MYO18B: variants seen among roughly 807,000 people sequenced by gnomAD.
The protein encoded by MYO18B is unconventional myosin-XVIIIb.
Under a neutral mutation model 273.0 loss-of-function variants are expected in MYO18B, and 204 were observed. The observed-to-expected ratio is 0.75, with a 90% CI of 0.67 to 0.84. The LOEUF (loss-of-function observed/expected upper bound fraction) is 0.84. Among genes scored for constraint, MYO18B ranks in the 40% least tolerant of loss-of-function variants. The pLI, the probability that MYO18B is intolerant of heterozygous loss-of-function variation, is 0.00. For synonymous variants in MYO18B, 1,330 were observed against 1,305.7 expected (o/e 1.02, Z -0.40); for missense variants, 3,212 against 3,287.6 (o/e 0.98, Z 0.56).
chr22:26,004,088 TTATAA>T (rs1256239407), intron 41 of MYO18B, among the ~76,000 whole-genome samples: 23 of 151,402 alleles, frequency 1.5e-4, no homozygotes, highest in South Asian at 1.2e-3. Context: ...AAACTATATA[TTATAA>T]TATATATACA....
intron 11 of MYO18B, among the ~76,000 whole-genome samples, chr22:25,794,370 C>T (rs1185668758): frequency 1.3e-5 from 2 of 151,612 alleles, no homozygotes; most frequent in African/African-American, 4.9e-5. Context: ...CCATGCCTGG[C>T]AGATTTTTAA....
the MYO18B span, among the ~76,000 whole-genome samples, chr22:26,044,987 G>A: frequency 2.6e-5 from 4 of 152,118 alleles, no homozygotes; most frequent in African/African-American, 9.7e-5. Context: ...CTATGCCCTT[G>A]GGTTGTCATG....
intron 12 of MYO18B, among the ~76,000 whole-genome samples, chr22:25,803,001 G>C (rs5761213): frequency 7.0e-6 from 1 of 143,294 alleles, no homozygotes; most frequent in Admixed American, 7.1e-5. Context: ...TTGCTCTGTC[G>C]CCCAGGCTGG....
the MYO18B span, among the ~76,000 whole-genome samples, chr22:26,047,709 A>G: frequency 7.2e-5 from 11 of 152,306 alleles, no homozygotes; most frequent in South Asian, 2.1e-3. Context: ...TAATAATTGT[A>G]TATATATAAA....
chr22:25,768,029 T>C lies in MYO18B; in HGVS notation c.199-86T>C, dbSNP rs133901. ...GAAGGATGAATGGAGAAGTGAACAA[T>C]GAAATGAATGAACGAACACGAGTGA... is the stretch of plus-strand genomic sequence containing the variant. On this transcript the variant is annotated intron_variant, in intron 3 of 43. Transcript: ENST00000335473. 0.39 allele frequency: 475,332 copies of C among 1,227,380 alleles called. 99,194 individuals are homozygous for C. The highest frequency in any genetic ancestry group is 0.79 in the African/African-American group (52,817 of 66,712). 76.0% of individuals were successfully genotyped at this position (1,227,380 alleles called of 1,614,324 possible).
At chr22:26,002,023 C>G (rs1934002691) in intron 40 of MYO18B, among the ~76,000 whole-genome samples, 1 of 152,072 alleles carries the variant, frequency 6.6e-6, no homozygotes, top group South Asian at 2.1e-4. Context: ...AAACTTTTTC[C>G]CTGTACAGAA....
intron 33 of MYO18B, 21 bp downstream of exon 33, chr22:25,911,071 G>C (rs2092148565): frequency 6.4e-7 from 1 of 1,551,706 alleles, no homozygotes; most frequent in African/African-American, 1.4e-5. Context: ...GACATTGGCA[G>C]ACATTCAGAG....
At chr22:25,920,802 G>C (rs1294867889) in intron 33 of MYO18B, among the ~76,000 whole-genome samples, 2 of 152,144 alleles carry the variant, frequency 1.3e-5, no homozygotes, top group Non-Finnish European at 2.9e-5. Context: ...AAGTCCAGAG[G>C]CTCTGTCCAG....
the MYO18B span, among the ~76,000 whole-genome samples, chr22:26,058,409 C>A: frequency 6.6e-6 from 1 of 152,042 alleles, no homozygotes; most frequent in African/African-American, 2.4e-5. Context: ...GTGCATGAAG[C>A]TGAGGGTGGA....
intron 15 of MYO18B, 82 bp from the exon 16 acceptor site, chr22:25,832,835 C>G: frequency 7.8e-7 from 1 of 1,274,500 alleles, no homozygotes; most frequent in African/African-American, 1.5e-5. Flanking sequence ...TGGAAATCCT[C>G]TCCGCTTTTT....
intron 1 of MYO18B, among the ~76,000 whole-genome samples, chr22:25,753,167 C>T (rs951425669): frequency 6.6e-6 from 1 of 152,194 alleles, no homozygotes; most frequent in African/African-American, 2.4e-5. Flanking sequence ...GTGCGGGAAG[C>T]TCAGCCCGTG....
intron 36 of MYO18B, among the ~76,000 whole-genome samples, chr22:25,948,407 TTTCCTTCCTTCCTTCC>T (rs59622689): frequency 0.03 from 3,514 of 117,996 alleles, 63 homozygotes; most frequent in Non-Finnish European, 0.034. Context: ...TTTTCCTGTC[TTTCCTTCCTTCCTTCC>T]TTCCTTCCTT....
At chr22:25,929,907 T>C (rs1268224629) in intron 34 of MYO18B, among the ~76,000 whole-genome samples, 1 of 152,198 alleles carries the variant, frequency 6.6e-6, no homozygotes, top group Non-Finnish European at 1.5e-5. Context: ...GTCGGTTCTT[T>C]GTGTGTTCAA....
chr22:25,824,834 A>AT (rs2089428118), intron 13 of MYO18B, among the ~76,000 whole-genome samples: 1 of 142,578 alleles, frequency 7.0e-6, no homozygotes, highest in Non-Finnish European at 1.6e-5. Context: ...CATGGTGTGC[A>AT]CACCATGTGT....
At chr22:25,922,539 A>G (rs1288943498) in intron 34 of MYO18B, among the ~76,000 whole-genome samples, 1 of 152,172 alleles carries the variant, frequency 6.6e-6, no homozygotes, top group South Asian at 2.1e-4. Flanking sequence ...TGTTGTGTCC[A>G]TGCAATTGAT....
intron 12 of MYO18B, among the ~76,000 whole-genome samples, chr22:25,819,218 C>T (rs1340617387): frequency 6.6e-6 from 1 of 152,250 alleles, no homozygotes; most frequent in Non-Finnish European, 1.5e-5. Flanking sequence ...GCATGCATCT[C>T]AGCTGCACCT....
intron 40 of MYO18B, among the ~76,000 whole-genome samples, chr22:25,995,124 G>A (rs2331200): frequency 0.16 from 24,304 of 152,074 alleles, 2,102 homozygotes; most frequent in African/African-American, 0.19. Flanking sequence ...AATGAGATTC[G>A]GTCATTTGCG....
At chr22:25,818,372 T>C (rs182645061) in intron 12 of MYO18B, among the ~76,000 whole-genome samples, 1 of 152,346 alleles carries the variant, frequency 6.6e-6, no homozygotes, top group East Asian at 1.9e-4. Flanking sequence ...GATGGTTCCT[T>C]GAGCATGGAG....
the MYO18B span, among the ~76,000 whole-genome samples, chr22:26,057,608 G>GT: frequency 0.06 from 8,947 of 150,090 alleles, 408 homozygotes; most frequent in African/African-American, 0.14. Flanking sequence ...TTTTCTATTA[G>GT]TTTTTTTGAA....
Sources: gnomAD v4.1 joint callset for allele counts (sites outside exome capture counted in the v4.1 genomes callset) on GRCh38, gnomAD v4.1.1 for gene constraint, MANE v1.5 for transcripts, NCBI Gene and HGNC (gene_info 2026-07-23, HGNC 2026-07-21) for gene names.